Variants in PCSK2 observed in about 807,000 individuals in gnomAD.
The protein encoded by PCSK2 is proprotein convertase subtilisin/kexin type 2, also known as neuroendocrine convertase 2.
PCSK2 carries 14 observed loss-of-function variants against 69.7 expected under a neutral mutation model. The observed-to-expected ratio is 0.20, with a 90% CI of 0.13 to 0.31. The LOEUF (loss-of-function observed/expected upper bound fraction) is 0.31. Ranked by LOEUF, PCSK2 falls within the 10% of genes least tolerant of loss-of-function variation. The probability of loss-of-function intolerance (pLI) is 1.00; values close to 1 mark genes in which losing one functional copy is unlikely to be tolerated. For missense variants in PCSK2, 544 were observed against 842.5 expected, an observed-to-expected ratio of 0.65 and a Z score of 4.39; for synonymous variants, 307 against 320.7, an observed-to-expected ratio of 0.96 and a Z score of 0.46.
chr20:17,258,941 T>A (rs1244109046), intron 1 of PCSK2, among the ~76,000 whole-genome samples: 2 of 151,936 alleles, frequency 1.3e-5, no homozygotes, highest in Admixed American at 6.6e-5. Context: ...CATGAAGAAT[T>A]TTTACTTTGT....
At chr20:17,279,890 G>A (rs2123043005) in intron 2 of PCSK2, among the ~76,000 whole-genome samples, 1 of 149,972 alleles carries the variant, frequency 6.7e-6, no homozygotes, top group South Asian at 2.1e-4. Flanking sequence ...TTCAATAAGT[G>A]TTTTCAAAAC....
intron 2 of PCSK2, among the ~76,000 whole-genome samples, chr20:17,309,129 A>G (rs1190034578): frequency 6.6e-6 from 1 of 152,146 alleles, no homozygotes; most frequent in African/African-American, 2.4e-5. Flanking sequence ...TTGACCAGAG[A>G]CAGATCATGG....
intron 1 of PCSK2, among the ~76,000 whole-genome samples, chr20:17,234,715 G>T (rs1196078479): frequency 6.6e-6 from 1 of 152,072 alleles, no homozygotes; most frequent in Non-Finnish European, 1.5e-5. Flanking sequence ...ATTTCAGAAG[G>T]TCTTATTAGC....
chr20:17,340,721 T>C (rs1990487252), intron 2 of PCSK2, among the ~76,000 whole-genome samples: 1 of 152,254 alleles, frequency 6.6e-6, no homozygotes, highest in African/African-American at 2.4e-5. Flanking sequence ...GTGCAGTGTT[T>C]TTCCCTGAAT....
intron 1 of PCSK2, among the ~76,000 whole-genome samples, chr20:17,232,660 A>T (rs940244222): frequency 2.6e-5 from 4 of 152,218 alleles, no homozygotes; most frequent in African/African-American, 9.6e-5. Flanking sequence ...AACAATGTTC[A>T]ATCCAGATTA....
intron 8 of PCSK2, among the ~76,000 whole-genome samples, chr20:17,451,597 C>T (rs1452857184): frequency 1.3e-5 from 2 of 152,142 alleles, no homozygotes; most frequent in Non-Finnish European, 1.5e-5. Flanking sequence ...CACTTTCCCC[C>T]ACATTCTATT....
chr20:17,421,954 C>T (rs113777062), intron 6 of PCSK2, among the ~76,000 whole-genome samples: 321 of 151,598 alleles, frequency 2.1e-3, no homozygotes, highest in African/African-American at 7.4e-3. Flanking sequence ...TATATGAAAT[C>T]GGTTCTATGA....
At chr20:17,480,184 C>CTTTTTTTTTTTTTTTTTTTTTTTTT (rs1164266992) in intron 11 of PCSK2, among the ~76,000 whole-genome samples, 2 of 76,996 alleles carry the variant, frequency 2.6e-5, no homozygotes, top group African/African-American at 5.9e-5. Flanking sequence ...TTCAGCTTTT[C>CTTTTTTTTTTTTTTTTTTTTTTTTT]TTTTTTTTTT....
At chr20:17,262,467 G>C (rs202049852) in intron 2 of PCSK2, among the ~76,000 whole-genome samples, 1 of 149,236 alleles carries the variant, frequency 6.7e-6, no homozygotes, top group Non-Finnish European at 1.5e-5. Context: ...TTTTCAAAAC[G>C]AAAAAAAAAA....
intron 5 of PCSK2, among the ~76,000 whole-genome samples, chr20:17,388,946 G>A (rs1421327648): frequency 6.6e-6 from 1 of 152,030 alleles, no homozygotes; most frequent in East Asian, 1.9e-4. Context: ...AGTGACAACG[G>A]GTGCTTAGTA....
At chr20:17,413,131 C>T (rs1038593267) in intron 6 of PCSK2, among the ~76,000 whole-genome samples, 1 of 152,142 alleles carries the variant, frequency 6.6e-6, no homozygotes, top group African/African-American at 2.4e-5. Context: ...AACTAACGGG[C>T]AAAATAACCA....
chr20:17,410,902 G>A (rs571280648), intron 6 of PCSK2, among the ~76,000 whole-genome samples: 23 of 152,318 alleles, frequency 1.5e-4, no homozygotes, highest in Middle Eastern at 3.4e-3. Flanking sequence ...ATCAGAAAGT[G>A]CAGTGGCAAC....
chr20:17,229,430 T>A (rs1224079356), intron 1 of PCSK2, among the ~76,000 whole-genome samples: 1 of 148,786 alleles, frequency 6.7e-6, no homozygotes, highest in African/African-American at 2.5e-5. Flanking sequence ...CACCTTTTCA[T>A]GGGTGCGGGG....
intron 2 of PCSK2, among the ~76,000 whole-genome samples, chr20:17,306,618 G>C (rs1172038860): frequency 6.6e-6 from 1 of 152,174 alleles, no homozygotes; most frequent in Non-Finnish European, 1.5e-5. Flanking sequence ...TAGGAACAGT[G>C]ACTCAGTGCC....
At chr20:17,272,144 T>C (rs997447404) in intron 2 of PCSK2, among the ~76,000 whole-genome samples, 7 of 152,126 alleles carry the variant, frequency 4.6e-5, no homozygotes, top group Non-Finnish European at 1.0e-4. Flanking sequence ...TTCTTAGTTC[T>C]TTCAGATGTT....
rs538277416 is a variant in PCSK2 at position 17,238,434 on chromosome 20, G to C, written c.177+10952G>C. Among the ~76,000 whole-genome samples, 30 of 152,120 alleles carry C rather than the reference G, an allele frequency of 2.0e-4. No homozygotes were observed. In the East Asian group the frequency reaches 4.3e-3, roughly 22 times the overall value. On this transcript the variant is annotated intron_variant, in intron 1 of 11. Transcript: ENST00000262545. ...AATTACAGCCTTTCAGAACAGGAAG[G>C]GATCCTAGAAAGACATTAATTTAAC...
chr20:17,355,018 G>T (rs1433517541), intron 2 of PCSK2, among the ~76,000 whole-genome samples: 2 of 152,164 alleles, frequency 1.3e-5, no homozygotes, highest in Non-Finnish European at 2.9e-5. Context: ...GACTCAGAAA[G>T]CCCCCTTCAG....
intron 2 of PCSK2, among the ~76,000 whole-genome samples, chr20:17,301,168 C>T (rs373949534): frequency 3.9e-5 from 6 of 152,116 alleles, no homozygotes; most frequent in African/African-American, 9.7e-5. Context: ...ATGTATTTGA[C>T]GTTAGAAATT....
chr20:17,381,995 A>G (rs2031098866), intron 5 of PCSK2, among the ~76,000 whole-genome samples: 1 of 152,202 alleles, frequency 6.6e-6, no homozygotes, highest in Non-Finnish European at 1.5e-5. Flanking sequence ...AAGGCTATTA[A>G]CCACTTCGAT....
Sources: gnomAD v4.1 joint callset for allele counts (sites outside exome capture counted in the v4.1 genomes callset) on GRCh38, gnomAD v4.1.1 for gene constraint, MANE v1.5 for transcripts, NCBI Gene and HGNC (gene_info 2026-07-23, HGNC 2026-07-21) for gene names.